Variants in PKHD1 observed in about 807,000 individuals in gnomAD.
The protein encoded by PKHD1 is PKHD1 ciliary IPT domain containing fibrocystin/polyductin, also known as fibrocystin.
In PKHD1, 291 loss-of-function variants were observed where a neutral mutation model predicts 412.0. The ratio of observed to expected loss-of-function variants is 0.71; its 90% CI spans 0.64 to 0.78. The LOEUF is 0.78. Ranked by LOEUF, PKHD1 falls within the 30% of genes least tolerant of loss-of-function variation. PKHD1 has a pLI of 0.00. For missense variants in PKHD1, 4,825 were observed against 4,950.7 expected (o/e 0.97, Z 0.76); for synonymous variants, 1,777 against 1,821.5 (o/e 0.98, Z 0.62).
At chr6:51,856,925 C>T (rs191825987) in intron 48 of PKHD1, among the ~76,000 whole-genome samples, 53 of 152,240 alleles carry the variant, frequency 3.5e-4, no homozygotes, top group Admixed American at 1.1e-3. Context: ...CCAAAAGCAG[C>T]CAGTGACATT....
At chr6:51,661,455 T>C (rs921872788) in intron 60 of PKHD1, among the ~76,000 whole-genome samples, 1 of 151,970 alleles carries the variant, frequency 6.6e-6, no homozygotes, top group Admixed American at 6.6e-5. Context: ...TGAAGAGGTG[T>C]GTCTGACCAG....
At chr6:51,639,238 T>C (rs1769011118) in intron 63 of PKHD1, among the ~76,000 whole-genome samples, 1 of 152,174 alleles carries the variant, frequency 6.6e-6, no homozygotes, top group African/African-American at 2.4e-5. Context: ...TACGCTATTA[T>C]CTATATTCTA....
chr6:52,072,355 CAG>C (rs147986856), intron 7 of PKHD1, among the ~76,000 whole-genome samples, 166 bp from the exon 8 acceptor site: 26 of 152,312 alleles, frequency 1.7e-4, no homozygotes, highest in African/African-American at 6.3e-4. Flanking sequence ...AAATTCTCAG[CAG>C]AGAGTAGGGA....
At chr6:52,084,792 A>G in intron 2 of PKHD1, 90 bp downstream of exon 2, 1 of 894,364 alleles carries the variant, frequency 1.1e-6, no homozygotes, top group South Asian at 1.3e-5. Flanking sequence ...ATGGTATACA[A>G]CCAAAATATT....
At chr6:52,061,645 T>C (rs1006044891) in intron 14 of PKHD1, among the ~76,000 whole-genome samples, 2 of 149,048 alleles carry the variant, frequency 1.3e-5, no homozygotes, top group Non-Finnish European at 3.0e-5. Context: ...GCAAAAGTAA[T>C]TGCGGTTTTT....
intron 48 of PKHD1, 112 bp downstream of exon 48, chr6:51,867,751 G>T: frequency 9.9e-7 from 1 of 1,013,138 alleles, no homozygotes; most frequent in Non-Finnish European, 1.5e-6. Flanking sequence ...CTTCTTTAGA[G>T]CTAAATACTT....
intron 43 of PKHD1, among the ~76,000 whole-genome samples, chr6:51,900,532 A>G (rs1781066191): frequency 6.6e-6 from 1 of 152,260 alleles, no homozygotes; most frequent in Admixed American, 6.5e-5. Flanking sequence ...AAGATGGATT[A>G]AAGACTTAAA....
rs779764638 is a variant in PKHD1 at position 52,059,916 on chromosome 6, G to A, written c.1233+12C>T. The A allele has an allele frequency of 8.1e-6, 10 of 1,230,174 alleles. No homozygotes were observed. Among genetic ancestry groups the A allele is most frequent in the Non-Finnish European group, 1.2e-5 (10 of 828,794 alleles). 76.2% of individuals were successfully genotyped at this position (1,230,174 alleles called of 1,614,324 possible). On this transcript the variant is annotated intron_variant, in intron 15 of 66. Coordinates refer to ENST00000371117, the MANE Select transcript of PKHD1 (RefSeq NM_138694.4). The stretch of plus-strand genomic sequence containing the variant: ...GCAACAGAGAAAAGGAAAATGAGAA[G>A]ACAGTGAATACCTTAGTCCTTGGTT...
intron 55 of PKHD1, among the ~76,000 whole-genome samples, chr6:51,772,300 C>T (rs995270665): frequency 1.4e-5 from 2 of 144,436 alleles, no homozygotes; most frequent in Non-Finnish European, 3.0e-5. Context: ...TTAAATTTCA[C>T]AATATACTTC....
At chr6:51,888,218 A>C (rs539204364) in intron 43 of PKHD1, among the ~76,000 whole-genome samples, 3 of 152,208 alleles carry the variant, frequency 2.0e-5, no homozygotes, top group African/African-American at 7.2e-5. Flanking sequence ...AGTCGCCTTG[A>C]TATTTCTTTA....
intron 49 of PKHD1, among the ~76,000 whole-genome samples, chr6:51,849,176 G>T (rs772227167): frequency 6.6e-6 from 1 of 152,064 alleles, no homozygotes; most frequent in Admixed American, 6.6e-5. Context: ...TCCTGTGTTA[G>T]TTTGCTAACG....
intron 43 of PKHD1, among the ~76,000 whole-genome samples, chr6:51,892,322 C>T (rs939874059): frequency 6.6e-6 from 1 of 152,214 alleles, no homozygotes; most frequent in Non-Finnish European, 1.5e-5. Context: ...ATTTCTAAGA[C>T]TTCAATGGTC....
At chr6:51,924,040 G>T (rs184512013) in intron 37 of PKHD1, among the ~76,000 whole-genome samples, 26 of 152,202 alleles carry the variant, frequency 1.7e-4, no homozygotes, top group Admixed American at 1.3e-3. Flanking sequence ...AGTAAAGAAT[G>T]GGAAGCAGCT....
chr6:51,804,720 A>G (rs1014512772), intron 52 of PKHD1, among the ~76,000 whole-genome samples: 18 of 152,204 alleles, frequency 1.2e-4, no homozygotes, highest in African/African-American at 4.1e-4. Flanking sequence ...CTAGGTGTAG[A>G]GTTGCTCCAG....
intron 33 of PKHD1, among the ~76,000 whole-genome samples, chr6:52,020,992 T>C (rs1801316969): frequency 6.6e-6 from 1 of 152,184 alleles, no homozygotes; most frequent in African/African-American, 2.4e-5. Flanking sequence ...CCAAATCCCA[T>C]CTTGGATCTT....
chr6:51,684,980 CA>C (rs1777218612), intron 60 of PKHD1, among the ~76,000 whole-genome samples: 1 of 152,044 alleles, frequency 6.6e-6, no homozygotes, highest in Admixed American at 6.6e-5. Flanking sequence ...AAAATTAGAG[CA>C]TATCCATCAT....
intron 48 of PKHD1, among the ~76,000 whole-genome samples, chr6:51,863,341 C>T (rs1303342499): frequency 2.0e-5 from 3 of 152,188 alleles, no homozygotes; most frequent in Non-Finnish European, 4.4e-5. Context: ...CTCTTCTAAT[C>T]TCCCTCACAC....
chr6:51,829,218 A>G (rs1767834062), intron 52 of PKHD1, among the ~76,000 whole-genome samples: 1 of 152,076 alleles, frequency 6.6e-6, no homozygotes, highest in Non-Finnish European at 1.5e-5. Flanking sequence ...CGGAGAATTC[A>G]GGCCCATCCT....
At chr6:52,076,798 C>T (rs1022081030) in intron 5 of PKHD1, among the ~76,000 whole-genome samples, 2 of 152,196 alleles carry the variant, frequency 1.3e-5, no homozygotes, top group African/African-American at 4.8e-5. Context: ...AAATCATTAT[C>T]AGCCAGCACC....
Sources: gnomAD v4.1 joint callset for allele counts (sites outside exome capture counted in the v4.1 genomes callset) on GRCh38, gnomAD v4.1.1 for gene constraint, MANE v1.5 for transcripts, NCBI Gene and HGNC (gene_info 2026-07-23, HGNC 2026-07-21) for gene names.